The following FGF12 variants were observed in gnomAD, a reference collection of about 807,000 sequenced individuals.
FGF12 encodes the protein fibroblast growth factor 12B.
A neutral mutation model predicts 23.6 loss-of-function variants in FGF12; 14 were observed. The observed-to-expected ratio is 0.59, with a 90% confidence interval of 0.39 to 0.93. The LOEUF (loss-of-function observed/expected upper bound fraction) is 0.93, where lower values mean the gene tolerates loss of function less well. FGF12 is among the 40% of genes least tolerant of loss of function. FGF12 has a pLI of 0.00. For missense variants in FGF12, 175 were observed against 217.8 expected, an observed-to-expected ratio of 0.80 and a Z score of 1.24; for synonymous variants, 62 against 77.3, an observed-to-expected ratio of 0.80 and a Z score of 1.04.
chr3:192,458,240 G>C (rs1232819671), intron 2 of FGF12, among the ~76,000 whole-genome samples: 1 of 152,128 alleles, frequency 6.6e-6, no homozygotes, highest in Admixed American at 6.5e-5. Flanking sequence ...GTCCCTACTG[G>C]GGCACTGCCT....
chr3:192,426,392 T>A (rs1449871089), intron 2 of FGF12, among the ~76,000 whole-genome samples: 1 of 152,148 alleles, frequency 6.6e-6, no homozygotes, highest in East Asian at 1.9e-4. Flanking sequence ...AAATATCACA[T>A]CCTTTTCTTT....
intron 2 of FGF12, among the ~76,000 whole-genome samples, chr3:192,529,961 G>A (rs1725046816): frequency 6.6e-6 from 1 of 151,634 alleles, no homozygotes. Context: ...ATATCTAATG[G>A]GTAGCAATTA....
chr3:192,555,347 C>T (rs2108589239), intron 2 of FGF12, among the ~76,000 whole-genome samples: 1 of 152,076 alleles, frequency 6.6e-6, no homozygotes, highest in Non-Finnish European at 1.5e-5. Context: ...CAGTTTAAAG[C>T]TAGATGGCAA....
intron 2 of FGF12, among the ~76,000 whole-genome samples, chr3:192,502,034 T>C (rs1023170973): frequency 2.6e-5 from 4 of 152,176 alleles, no homozygotes; most frequent in Non-Finnish European, 5.9e-5. Flanking sequence ...AAAATTCCTA[T>C]AGCTAGATAG....
chr3:192,394,448 T>A (rs960370626), intron 2 of FGF12, among the ~76,000 whole-genome samples: 6 of 152,186 alleles, frequency 3.9e-5, no homozygotes, highest in Admixed American at 6.5e-5. Context: ...ATCAAACATA[T>A]CATTAAGCCA....
intron 4 of FGF12, among the ~76,000 whole-genome samples, chr3:192,205,459 C>T (rs1313429486): frequency 6.6e-6 from 1 of 152,122 alleles, no homozygotes. Context: ...TCCCTTCCCT[C>T]CTTGTGGATT....
chr3:192,659,915 CA>C (rs1253491740), intron 2 of FGF12, among the ~76,000 whole-genome samples: 1 of 152,086 alleles, frequency 6.6e-6, no homozygotes, highest in East Asian at 1.9e-4. Flanking sequence ...AGCATTTTTT[CA>C]TGTGTCTTTT....
chr3:192,289,064 C>T (rs1714617680), intron 4 of FGF12, among the ~76,000 whole-genome samples: 1 of 152,072 alleles, frequency 6.6e-6, no homozygotes, highest in Non-Finnish European at 1.5e-5. Context: ...AATTAGATGA[C>T]ATTCAAGGAA....
intron 4 of FGF12, among the ~76,000 whole-genome samples, chr3:192,311,185 T>C (rs762711645): frequency 3.9e-5 from 6 of 152,190 alleles, no homozygotes; most frequent in Non-Finnish European, 8.8e-5. Context: ...ATTCAAAGTG[T>C]ACAACTAAAT....
At chr3:192,488,840 T>C (rs1467024252) in intron 2 of FGF12, among the ~76,000 whole-genome samples, 2 of 152,082 alleles carry the variant, frequency 1.3e-5, no homozygotes, top group African/African-American at 4.8e-5. Flanking sequence ...TGAAACAACA[T>C]CTGAATCAAT....
In FGF12 at chr3:192,233,511, T is replaced by C. The variant is rs551519285; in HGVS notation, c.229-62855A>G. Among the ~76,000 whole-genome samples the C allele has an allele frequency of 3.9e-5, 6 of 152,304 alleles. No individual in the cohort carries two copies. The East Asian group carries it at 1.2e-3, about 29-fold the overall frequency. On this transcript the variant is annotated intron_variant, in intron 4 of 5. Coordinates refer to ENST00000445105, the MANE Select transcript of FGF12 (RefSeq NM_004113.6). Reference sequence around the variant, plus strand: ...CATTCTGTAGGTTGTGTTTATGCTGTTGATGGCTTCTTTTGCTATGCAGAA... The same window carrying C: ...CATTCTGTAGGTTGTGTTTATGCTGCTGATGGCTTCTTTTGCTATGCAGAA...
At chr3:192,602,363 G>T (rs1714149216) in intron 2 of FGF12, among the ~76,000 whole-genome samples, 1 of 152,104 alleles carries the variant, frequency 6.6e-6, no homozygotes, top group African/African-American at 2.4e-5. Flanking sequence ...AAGGTGAGGG[G>T]TATTTGAGAC....
intron 2 of FGF12, among the ~76,000 whole-genome samples, chr3:192,372,184 TG>T (rs1219767640): frequency 2.0e-5 from 3 of 152,220 alleles, no homozygotes; most frequent in Admixed American, 6.5e-5. Flanking sequence ...ACACATTATT[TG>T]GGCGAGCACA....
chr3:192,491,197 CAGATATCCCA>C (rs1284879291), intron 2 of FGF12, among the ~76,000 whole-genome samples: 1 of 152,066 alleles, frequency 6.6e-6, no homozygotes, highest in East Asian at 1.9e-4. Flanking sequence ...TACCATGTAA[CAGATATCCCA>C]AGATGCTTTG....
Position 192,408,286 on chromosome 3 carries a change from G to C in FGF12, c.14-47748C>G. 6.7e-7 allele frequency: 1 copy of C among 1,490,024 alleles called. No homozygotes were observed. Among genetic ancestry groups the C allele is most frequent in the Non-Finnish European group, 8.9e-7 (1 of 1,125,174 alleles). The allele number at this position is 1,490,024 out of a possible 1,614,324, so 92.3% of individuals were successfully genotyped here. On this transcript the variant is annotated intron_variant, in intron 2 of 5. Transcript: ENST00000445105. The surrounding 1 kb of genome is among the most constrained non-coding windows in gnomAD (Gnocchi z 7.3). ...GCGCCCTCCGGCTTGCGCTCCGCCGGGGCGAGGGCAGGACCTGGGCGGCCA... is the reference window on the plus strand; with the variant it reads ...GCGCCCTCCGGCTTGCGCTCCGCCGCGGCGAGGGCAGGACCTGGGCGGCCA...
intron 2 of FGF12, among the ~76,000 whole-genome samples, chr3:192,662,940 T>C (rs530590559): frequency 1.3e-5 from 2 of 152,328 alleles, no homozygotes; most frequent in Non-Finnish European, 2.9e-5. Flanking sequence ...TCTGGATTCT[T>C]CTACCAAATA....
chr3:192,202,554 T>A (rs1248437928), intron 4 of FGF12, among the ~76,000 whole-genome samples: 1 of 151,842 alleles, frequency 6.6e-6, no homozygotes, highest in African/African-American at 2.4e-5. Context: ...GAAGCTTTTA[T>A]TTTTGTTTTT....
intron 2 of FGF12, among the ~76,000 whole-genome samples, chr3:192,684,773 T>G (rs1327120968): frequency 6.6e-6 from 1 of 152,210 alleles, no homozygotes; most frequent in Non-Finnish European, 1.5e-5. Context: ...TTTTTCTTTA[T>G]CCATTCAATA....
At chr3:192,549,094 G>C (rs1725566980) in intron 2 of FGF12, among the ~76,000 whole-genome samples, 1 of 152,106 alleles carries the variant, frequency 6.6e-6, no homozygotes, top group African/African-American at 2.4e-5. Flanking sequence ...TACACTAACT[G>C]TTGCTCAGGC....
Sources: gnomAD v4.1 joint callset for allele counts (sites outside exome capture counted in the v4.1 genomes callset) on GRCh38, gnomAD v4.1.1 for gene constraint, Gnocchi (gnomAD v3.1) non-coding constraint, MANE v1.5 for transcripts, NCBI Gene and HGNC (gene_info 2026-07-23, HGNC 2026-07-21) for gene names.